Variants in GABBR1 observed in about 807,000 individuals in gnomAD.
The protein encoded by GABBR1 is GABA-B receptor, R1 subunit.
GABBR1 carries 35 observed loss-of-function variants against 117.7 expected under a neutral mutation model. The observed-to-expected ratio is 0.30, with a 90% CI of 0.23 to 0.39. The LOEUF (loss-of-function observed/expected upper bound fraction) is 0.39. Among genes scored for constraint, GABBR1 ranks in the 10% least tolerant of loss-of-function variants. GABBR1 has a pLI of 1.00. For synonymous variants in GABBR1, 442 were observed against 486.6 expected (o/e 0.91, Z 1.21); for missense variants, 709 against 1,241.8 (o/e 0.57, Z 6.45).
intron 4 of GABBR1, chr6:29,629,390 A>G (rs1456578672): frequency 5.0e-6 from 3 of 600,010 alleles, no homozygotes; most frequent in Admixed American, 5.8e-5. Flanking sequence ...GTGCCTGAAT[A>G]TTACAAAATT....
Position 29,627,748 on chromosome 6 carries a change from G to A in GABBR1, c.497-102C>T. The stretch of plus-strand genomic sequence containing the variant: ...CCCTGCCGCCATCACAACCAGAAGC[G>A]GCAGTGGCCACCCCACCCGGGCAAA... On this transcript the variant is annotated intron_variant, in intron 5 of 22. Coordinates refer to ENST00000377034, the MANE Select transcript of GABBR1 (RefSeq NM_001470.4). This position sits in a 1 kb window ranked among gnomAD's most constrained non-coding sequence, Gnocchi z 4.4. The A allele has an allele frequency of 1.3e-6, 2 of 1,497,762 alleles. No homozygotes were observed. Among genetic ancestry groups the A allele is most frequent in the Non-Finnish European group, 1.8e-6 (2 of 1,127,888 alleles). 92.8% of individuals were successfully genotyped at this position (1,497,762 alleles called of 1,614,324 possible). A position where few individuals can be genotyped will look rare whatever the true frequency, so the allele number is the denominator to read the frequency against.
rs1490101244 is a variant in GABBR1 at position 29,606,432 on chromosome 6, T to C, written c.2270A>G (p.Gln757Arg). 7 of 1,612,956 alleles carry C rather than the reference T, an allele frequency of 4.3e-6. No homozygotes were observed. The highest frequency in any genetic ancestry group is 5.9e-6 in the Non-Finnish European group (7 of 1,179,932). Residue 757 changes from glutamine (Q) to arginine (R), a missense_variant, in exon 19 of 23, where the codon CAG becomes CGG. Coordinates refer to ENST00000377034, the MANE Select transcript of GABBR1 (RefSeq NM_001470.4). The surrounding 1 kb of genome is among the most constrained non-coding windows in gnomAD (Gnocchi z 4.5). ...CTTCCTGGAGCTGCAATGCTCCAGC[T>C]GGGGCAGAATAGAGACGTCAATATC... ...KEDIDVSILP[Q>R]LEHCSSRKMN... is the part of the protein sequence containing the mutation.
chr6:29,621,056 T>A lies in GABBR1; in HGVS notation c.1323+45A>T. ...TTCCCCTGCAAGGCCCCCTCAGTCC[T>A]CTCCACCCTCCCAGGTGCCAGACTG... On this transcript the variant is annotated intron_variant, in intron 11 of 22. Transcript: ENST00000377034. The surrounding 1 kb of genome is among the most constrained non-coding windows in gnomAD (Gnocchi z 5.0). The A allele has an allele frequency of 6.4e-7, 1 of 1,567,534 alleles. No individual in the cohort carries two copies. Among genetic ancestry groups the A allele is most frequent in the Non-Finnish European group, 8.7e-7 (1 of 1,150,898 alleles).
At position 29,606,906 on chromosome 6, in the gene GABBR1, C is replaced by T. The variant is rs746307132; in HGVS notation, c.2208G>A (p.Arg736=). 1 of 1,613,850 alleles carries T rather than the reference C, an allele frequency of 6.2e-7. No individual in the cohort carries two copies. Among genetic ancestry groups the T allele is most frequent in the Non-Finnish European group, 8.5e-7 (1 of 1,179,806 alleles). The change falls in exon 18 of 23, where the codon CGG becomes CGA. Residue 736 remains arginine (R), a synonymous_variant. Coordinates refer to ENST00000377034, the MANE Select transcript of GABBR1 (RefSeq NM_001470.4). This position sits in a 1 kb window ranked among gnomAD's most constrained non-coding sequence, Gnocchi z 4.5. The part of the protein sequence containing the change: ...AIWQIVDPLH[R]TIETFAKEEP... ...TCCTCTCCAGTGGTACCTCAATGGT[C>T]CGGTGCAGAGGGTCCACGATCTGCC...
Position 29,613,145 on chromosome 6 carries a change from C to G in GABBR1, c.1566+98G>C. 7.6e-7 allele frequency: 1 copy of G among 1,323,450 alleles called. No individual in the cohort carries two copies. Among genetic ancestry groups the G allele is most frequent in the East Asian group, 2.3e-5 (1 of 43,088 alleles). 82.0% of individuals were successfully genotyped at this position (1,323,450 alleles called of 1,614,324 possible). A position where few individuals can be genotyped will look rare whatever the true frequency, so the allele number is the denominator to read the frequency against. ...GGAGACTGATTCTGCAAAGAAGTAA[C>G]TGAGAAAAACAGAGAATGCATGTTT... On this transcript the variant is annotated intron_variant, in intron 12 of 22. Transcript: ENST00000377034. The surrounding 1 kb of genome is among the most constrained non-coding windows in gnomAD (Gnocchi z 4.1).
Position 29,602,499 on chromosome 6 carries a change from TGA to T in GABBR1, c.*1042_*1043del. ...GGAGAAGATGATTGTGAGTGTAGAC[TGA>T]GGGTAGTACATGAATGCAATGGAGA... On this transcript the variant is annotated 3_prime_UTR_variant, in exon 23 of 23. Coordinates refer to ENST00000377034, the MANE Select transcript of GABBR1 (RefSeq NM_001470.4). 1.3e-5 allele frequency: 2 copies of T among 157,682 alleles called. No individual in the cohort carries two copies. The highest frequency in any genetic ancestry group is 1.8e-4 in the South Asian group (1 of 5,452). The allele number at this position is 157,682 out of a possible 1,614,324, so 9.8% of individuals were successfully genotyped here.
Position 29,603,706 on chromosome 6 carries a change from C to T in GABBR1, c.2723G>A (p.Arg908His), listed in dbSNP as rs1319024225. The change falls in exon 23 of 23, where the codon CGT becomes CAT. Residue 908 changes from arginine (R) to histidine (H), a missense_variant. Physicochemically the swap from Arg to His is conservative, Grantham distance 29 (BLOSUM62 0). Transcript: ENST00000377034. The part of the protein sequence containing the change: ...LEKIIAEKEE[R>H]VSELRHQLQS... ...GAGTTGATGGCGCAGTTCAGAGACA[C>T]GCTCCTCTTTCTGGAGGAAGAAGCA... is the stretch of plus-strand genomic sequence containing the variant. 2 of 1,477,930 alleles carry T rather than the reference C, an allele frequency of 1.4e-6. No homozygotes were observed. The highest frequency in any genetic ancestry group is 1.8e-6 in the Non-Finnish European group (2 of 1,116,274). The allele number at this position is 1,477,930 out of a possible 1,614,324, so 91.6% of individuals were successfully genotyped here. A position where few individuals can be genotyped will look rare whatever the true frequency, so the allele number is the denominator to read the frequency against.
At chr6:29,628,067 G>A in intron 5 of GABBR1, 9 of 952,352 alleles carry the variant, frequency 9.5e-6, no homozygotes, top group East Asian at 7.8e-5. Context: ...CTGGGAGGGG[G>A]CTCTGACGTC....
rs747531734 is a variant in GABBR1 at position 29,627,775 on chromosome 6, G to A, written c.497-129C>T. The A allele has an allele frequency of 8.9e-6, 13 of 1,466,338 alleles. No individual in the cohort carries two copies. In the South Asian group the frequency reaches 1.4e-4, roughly 16 times the overall value. 90.8% of individuals were successfully genotyped at this position (1,466,338 alleles called of 1,614,324 possible). ...CAGTGGCCACCCCACCCGGGCAAAA[G>A]GGGCCCCGGGCCCCATGGCGTGGGG... On this transcript the variant is annotated intron_variant, in intron 5 of 22. Coordinates refer to ENST00000377034, the MANE Select transcript of GABBR1 (RefSeq NM_001470.4). The surrounding 1 kb of genome is among the most constrained non-coding windows in gnomAD (Gnocchi z 4.4).
intron 11 of GABBR1, among the ~76,000 whole-genome samples, chr6:29,617,301 C>CTTTTTTTTTTT (rs373993426): frequency 2.5e-5 from 3 of 119,872 alleles, no homozygotes; most frequent in Admixed American, 9.2e-5. Flanking sequence ...TTCTTTCTTT[C>CTTTTTTTTTTT]TTTTTTTTTT....
At chr6:29,617,609 T>C (rs1285069321) in intron 11 of GABBR1, among the ~76,000 whole-genome samples, 1 of 152,176 alleles carries the variant, frequency 6.6e-6, no homozygotes, top group African/African-American at 2.4e-5. Context: ...CTCAAGTCCA[T>C]ATTTCTAACT....
chr6:29,617,860 T>TA (rs1339412171), intron 11 of GABBR1, among the ~76,000 whole-genome samples: 3 of 152,264 alleles, frequency 2.0e-5, no homozygotes, highest in African/African-American at 7.2e-5. Context: ...GGCTAACATG[T>TA]ATACAGTCCT....
At chr6:29,619,951 ACAC>A (rs1763583180) in intron 11 of GABBR1, among the ~76,000 whole-genome samples, 1 of 152,216 alleles carries the variant, frequency 6.6e-6, no homozygotes, top group Admixed American at 6.5e-5. Context: ...TCATCACAAC[ACAC>A]CACCAGAGTC....
chr6:29,619,473 C>T (rs1763524617), intron 11 of GABBR1, among the ~76,000 whole-genome samples: 2 of 152,186 alleles, frequency 1.3e-5, no homozygotes, highest in South Asian at 2.1e-4. Context: ...CTTCCCACCC[C>T]AATGCTCAGG....
intron 4 of GABBR1, among the ~76,000 whole-genome samples, chr6:29,629,460 T>C (rs1764737221): frequency 6.6e-6 from 1 of 152,152 alleles, no homozygotes; most frequent in Admixed American, 6.5e-5. Flanking sequence ...GCTGTTAAAA[T>C]CTTATTTCTG....
rs1375002979 is a variant in GABBR1 at position 29,632,057 on chromosome 6, G to C, written c.85+244C>G. ...ATGTGGGGCTGGGAAAGGGGATTGA[G>C]GCGGAGAAAATGCACAGGAAGGTGG... is the stretch of plus-strand genomic sequence containing the variant. On this transcript the variant is annotated intron_variant, in intron 2 of 22. Coordinates refer to ENST00000377034, the MANE Select transcript of GABBR1 (RefSeq NM_001470.4). The surrounding 1 kb of genome is among the most constrained non-coding windows in gnomAD (Gnocchi z 5.8). Among the ~76,000 whole-genome samples the C allele has an allele frequency of 1.3e-5, 2 of 152,084 alleles. No homozygotes were observed. Among genetic ancestry groups the C allele is most frequent in the Non-Finnish European group, 2.9e-5 (2 of 68,018 alleles).
intron 11 of GABBR1, among the ~76,000 whole-genome samples, chr6:29,615,745 G>A (rs1763017413): frequency 6.6e-6 from 1 of 151,852 alleles, no homozygotes; most frequent in Non-Finnish European, 1.5e-5. Context: ...AAACAGAGAG[G>A]ACCCAACTCT....
chr6:29,603,930 C>A (rs559996464), intron 22 of GABBR1, among the ~76,000 whole-genome samples: 1 of 151,812 alleles, frequency 6.6e-6, no homozygotes, highest in Admixed American at 6.6e-5. Flanking sequence ...AGAAAAAATG[C>A]GATCAGGGAA....
intron 6 of GABBR1, among the ~76,000 whole-genome samples, chr6:29,624,838 G>A (rs922393693): frequency 1.3e-5 from 2 of 151,994 alleles, no homozygotes; most frequent in Non-Finnish European, 2.9e-5. Context: ...CCAGCCTTGG[G>A]TCTCCCACTG....
Sources: gnomAD v4.1 joint callset for allele counts (sites outside exome capture counted in the v4.1 genomes callset) on GRCh38, gnomAD v4.1.1 for gene constraint, Gnocchi (gnomAD v3.1) non-coding constraint, MANE v1.5 for transcripts, NCBI Gene and HGNC (gene_info 2026-07-23, HGNC 2026-07-21) for gene names.